The following CAPN14 variants were observed in gnomAD, a reference collection of about 807,000 sequenced individuals.
CAPN14 encodes calpain-14.
Under a neutral mutation model 101.3 loss-of-function variants are expected in CAPN14, and 94 were observed. That is an observed-to-expected ratio of 0.93 (90% CI 0.79 to 1.10). The LOEUF (loss-of-function observed/expected upper bound fraction) is 1.10. CAPN14 is among the 50% of genes least tolerant of loss of function. The probability of loss-of-function intolerance (pLI) is 0.00; values close to 1 mark genes in which losing one functional copy is unlikely to be tolerated. For missense variants in CAPN14, 837 were observed against 828.4 expected (o/e 1.01, Z -0.13); for synonymous variants, 338 against 317.9 (o/e 1.06, Z -0.67).
At position 31,228,959 on chromosome 2, in the gene CAPN14, C is replaced by G. The variant is rs61084585; in HGVS notation, c.-176-2308G>C. Reference sequence around the variant, plus strand: ...GCATGTGCTGGGTTTGGAAGAGACACCTGGTGGGAGAGGGCCCTGTGGAGC... The same window carrying G: ...GCATGTGCTGGGTTTGGAAGAGACAGCTGGTGGGAGAGGGCCCTGTGGAGC... On this transcript the variant is annotated intron_variant and NMD_transcript_variant, in intron 1 of 21. Transcript: ENST00000398824. Among the ~76,000 whole-genome samples, 124 of 152,264 alleles carry G rather than the reference C, an allele frequency of 8.1e-4. 1 individual carries two copies. The East Asian group carries it at 0.022, about 27-fold the overall frequency.
upstream of CAPN14, among the ~76,000 whole-genome samples, chr2:31,221,420 C>G (rs1244470205): frequency 1.3e-5 from 2 of 152,106 alleles, no homozygotes; most frequent in Non-Finnish European, 2.9e-5. Flanking sequence ...TTTAATGGGT[C>G]CAAATCAATA....
chr2:31,181,679 C>A (rs1454659540), intron 16 of CAPN14, among the ~76,000 whole-genome samples: 1 of 93,268 alleles, frequency 1.1e-5, no homozygotes, highest in Non-Finnish European at 2.0e-5. Context: ...CCCCTCCCCC[C>A]ACCCCACAAC....
chr2:31,185,945 T>A (rs1558615499), intron 16 of CAPN14, among the ~76,000 whole-genome samples: 1 of 152,210 alleles, frequency 6.6e-6, no homozygotes, highest in Non-Finnish European at 1.5e-5. Context: ...CCAGGCTTCA[T>A]ATGAAAGCCT....
rs549693143 is a variant in CAPN14 at position 31,199,433 on chromosome 2, G to A, written c.789+37C>T. The A allele has an allele frequency of 2.1e-5, 32 of 1,526,388 alleles. No homozygotes were observed. In the South Asian group the frequency reaches 3.4e-4, roughly 16 times the overall value. The allele number at this position is 1,526,388 out of a possible 1,614,324, so 94.6% of individuals were successfully genotyped here. ...CTAGGGTCCAGAGAGGGAAGGGCAAGGCTGAGAGGGAAACCGAAGGGCCAA... is the reference window on the plus strand; with the variant it reads ...CTAGGGTCCAGAGAGGGAAGGGCAAAGCTGAGAGGGAAACCGAAGGGCCAA... On this transcript the variant is annotated intron_variant, in intron 7 of 21. Transcript: ENST00000403897.
rs1001068838 is a variant in CAPN14 at position 31,230,688 on chromosome 2, T to C, written c.-177+3103A>G. Among the ~76,000 whole-genome samples, 33 of 152,230 alleles carry C rather than the reference T, an allele frequency of 2.2e-4. No individual in the cohort carries two copies. ...GTAGCTCTTGCCAAGTTTTTTTCTA[T>C]TGGAATGTTTGTCTTTGTTATCGAT... On this transcript the variant is annotated intron_variant and NMD_transcript_variant, in intron 1 of 21. Coordinates refer to the CAPN14 transcript ENST00000398824. This position sits in a 1 kb window ranked among gnomAD's most constrained non-coding sequence, Gnocchi z 4.3.
At chr2:31,225,875 G>T (rs1683008004) in intron 2 of CAPN14, among the ~76,000 whole-genome samples, 1 of 148,996 alleles carries the variant, frequency 6.7e-6, no homozygotes, top group Non-Finnish European at 1.5e-5. Flanking sequence ...AAAAATAAAA[G>T]ACAGAAAGGG....
intron 7 of CAPN14, among the ~76,000 whole-genome samples, chr2:31,198,259 G>T (rs1681570392): frequency 6.6e-6 from 1 of 152,148 alleles, no homozygotes; most frequent in Non-Finnish European, 1.5e-5. Flanking sequence ...CCCCCTCCCT[G>T]CTCCGAGTTG....
At chr2:31,200,685 TGTGGCCTCGGCATCCACTTTTAAATA>T in intron 5 of CAPN14, 60 bp from the exon 6 acceptor site, 1 of 1,441,624 alleles carries the variant, frequency 6.9e-7, no homozygotes, top group Non-Finnish European at 9.3e-7. Context: ...TATAATTTTA[TGTGGCCTCGGCATCCACTTTTAAATA>T]GGAGTCTAGT....
At chr2:31,215,255 G>A (rs542932323) in intron 1 of CAPN14, among the ~76,000 whole-genome samples, 81 of 140,092 alleles carry the variant, frequency 5.8e-4, no homozygotes, top group African/African-American at 2.0e-3. Context: ...TTTTAAAGCA[G>A]ATGTAAATTC....
intron 19 of CAPN14, 68 bp from the exon 20 acceptor site, chr2:31,177,210 C>T (rs1335067213): frequency 1.7e-5 from 18 of 1,068,920 alleles, no homozygotes; most frequent in Admixed American, 2.2e-5. Context: ...CTGCTCAAGG[C>T]CCCTTCAAAT....
chr2:31,200,735 A>G, intron 5 of CAPN14, 110 bp from the exon 6 acceptor site: 1 of 1,069,732 alleles, frequency 9.3e-7, no homozygotes. Flanking sequence ...CTCATACCAA[A>G]AGCAGAGCTC....
At chr2:31,212,411 A>G (rs766939192) in intron 1 of CAPN14, among the ~76,000 whole-genome samples, 13 of 152,014 alleles carry the variant, frequency 8.6e-5, no homozygotes, top group Admixed American at 3.9e-4. Context: ...TTAAATTTAT[A>G]TAGAAAAACC....
At chr2:31,195,251 G>A (rs1037359205) in intron 8 of CAPN14, among the ~76,000 whole-genome samples, 4 of 152,190 alleles carry the variant, frequency 2.6e-5, no homozygotes, top group African/African-American at 7.2e-5. Context: ...TTCTGAAAGC[G>A]AAACTCCCTA....
At chr2:31,227,878 C>T (rs750460556) in intron 1 of CAPN14, among the ~76,000 whole-genome samples, 4 of 152,130 alleles carry the variant, frequency 2.6e-5, no homozygotes, top group Non-Finnish European at 4.4e-5. Flanking sequence ...CAGAGGTTTA[C>T]GTGGGGTAGC....
Position 31,200,624 on chromosome 2 carries a change from G to A in CAPN14, c.553C>T (p.Leu185Phe), listed in dbSNP as rs1364101792. ...TGCAAGTCTTCATAGGAACCAGAGA[G>A]CCTGGCCAGGGAAGAAATAAACATG... is the stretch of plus-strand genomic sequence containing the variant. The part of the protein sequence containing the change: ...GALLEKAYAK[L>F]SGSYEDLQSG... The change falls in exon 6 of 22, where the codon CTC becomes TTC. Residue 185 changes from leucine to phenylalanine, a missense_variant and splice_region_variant. By Grantham distance (22) the Leu-to-Phe change is conservative. Coordinates refer to ENST00000403897, the MANE Select transcript of CAPN14 (RefSeq NM_001145122.2). 1.3e-6 allele frequency: 2 copies of A among 1,541,676 alleles called. No individual in the cohort carries two copies. Among genetic ancestry groups the A allele is most frequent in the East Asian group, 2.5e-5 (1 of 40,752 alleles).
At chr2:31,184,580 A>C (rs1680816539) in intron 16 of CAPN14, among the ~76,000 whole-genome samples, 2 of 152,220 alleles carry the variant, frequency 1.3e-5, no homozygotes, top group South Asian at 4.1e-4. Context: ...TTCCCAAATT[A>C]TGTCTCAAAG....
chr2:31,210,316 C>T (rs1682328109), intron 1 of CAPN14, among the ~76,000 whole-genome samples: 1 of 151,662 alleles, frequency 6.6e-6, no homozygotes, highest in African/African-American at 2.4e-5. Flanking sequence ...GGCGTGGTGG[C>T]AGGTGCCTGT....
chr2:31,175,062 G>T (rs7602639), intron 21 of CAPN14, among the ~76,000 whole-genome samples: 1 of 151,938 alleles, frequency 6.6e-6, no homozygotes, highest in African/African-American at 2.4e-5. Flanking sequence ...CATTTATGGG[G>T]CCCTTGGTCT....
At chr2:31,189,167 T>C (rs1304945245) in intron 13 of CAPN14, 106 bp downstream of exon 13, 4 of 986,310 alleles carry the variant, frequency 4.1e-6, no homozygotes, top group Non-Finnish European at 6.2e-6. Flanking sequence ...ATCTCCCTTT[T>C]GTCTCAGCAG....
Sources: gnomAD v4.1 joint callset for allele counts (sites outside exome capture counted in the v4.1 genomes callset) on GRCh38, gnomAD v4.1.1 for gene constraint, Gnocchi (gnomAD v3.1) non-coding constraint, MANE v1.5 for transcripts, NCBI Gene and HGNC (gene_info 2026-07-23, HGNC 2026-07-21) for gene names.